Variants in MPP2 observed in about 807,000 individuals in gnomAD.
The protein encoded by MPP2 is MAGUK p55 scaffold protein 2, also known as MAGUK p55 subfamily member 2.
A neutral mutation model predicts 58.5 loss-of-function variants in MPP2; 42 were observed. The observed-to-expected ratio is 0.72, with a 90% CI of 0.56 to 0.93. The LOEUF is 0.93. MPP2 is among the 40% of genes least tolerant of loss of function. MPP2 has a pLI of 0.00. For missense variants in MPP2, 632 were observed against 760.4 expected (o/e 0.83, Z 1.99); for synonymous variants, 300 against 307.8 (o/e 0.97, Z 0.26).
At chr17:43,906,459 T>G (rs913754771) in intron 1 of MPP2, among the ~76,000 whole-genome samples, 1 of 152,148 alleles carries the variant, frequency 6.6e-6, no homozygotes, top group Non-Finnish European at 1.5e-5. Flanking sequence ...CTCCGAGATA[T>G]CCACATCACC....
chr17:43,883,098 G>A (rs1597766660), intron 4 of MPP2, 46 bp from the exon 5 acceptor site: 3 of 1,576,158 alleles, frequency 1.9e-6, no homozygotes, highest in East Asian at 2.3e-5. Context: ...AGTGTCCCGG[G>A]TCTCTTCCCA....
In MPP2 at chr17:43,882,524, G is replaced by C. The variant is rs778032275; in HGVS notation, c.454-13C>G. 13 of 1,600,606 alleles carry C rather than the reference G, an allele frequency of 8.1e-6. No individual in the cohort carries two copies. In the South Asian group the frequency reaches 1.4e-4, roughly 18 times the overall value. On this transcript the variant is annotated splice_polypyrimidine_tract_variant and intron_variant, in intron 5 of 12. Transcript: ENST00000269095. The stretch of plus-strand genomic sequence containing the variant: ...GGAACGTTACACCCTGGAGGTCAGA[G>C]GGAGTGTAAGATGAGGCCCCAATTG...
chr17:43,879,289 T>G lies in MPP2; in HGVS notation c.1468A>C (p.Thr490Pro), dbSNP rs776076523. ...AGAGCCCTCACCGTGAGCTGCTTGGTGGATATTCCACTCTCCAGCGCAGCC... is the reference window on the plus strand; with the variant it reads ...AGAGCCCTCACCGTGAGCTGCTTGGGGGATATTCCACTCTCCAGCGCAGCC... ...NRAALESGIS[T>P]KQLTEADLRR... The change falls in exon 12 of 13, where the codon ACC (threonine) becomes CCC (proline). Residue 490 changes from threonine (T) to proline (P), a missense_variant. Physicochemically the swap from Thr to Pro is conservative, Grantham distance 38. Coordinates refer to ENST00000269095, the MANE Select transcript of MPP2 (RefSeq NM_005374.5). The surrounding 1 kb of genome is among the most constrained non-coding windows in gnomAD (Gnocchi z 4.1). 1.9e-6 allele frequency: 3 copies of G among 1,612,068 alleles called. No homozygotes were observed. In the East Asian group the frequency reaches 6.7e-5, roughly 36 times the overall value.
chr17:43,891,622 A>C (rs1283227140), intron 3 of MPP2, among the ~76,000 whole-genome samples: 1 of 151,608 alleles, frequency 6.6e-6, no homozygotes, highest in Non-Finnish European at 1.5e-5. Context: ...TGGGCTGGGC[A>C]TGGTGGCTCA....
At chr17:43,891,514 CA>C (rs779016006) in intron 3 of MPP2, among the ~76,000 whole-genome samples, 46 of 133,042 alleles carry the variant, frequency 3.5e-4, no homozygotes, top group South Asian at 5.1e-4. Context: ...GACTCCGTCT[CA>C]AAAAAAAAAA....
rs1343198109 is a variant in MPP2 at position 43,883,227 on chromosome 17, G to A, written c.279C>T (p.His93=). The A allele has an allele frequency of 6.2e-7, 1 of 1,608,476 alleles. No homozygotes were observed. The highest frequency in any genetic ancestry group is 8.5e-7 in the Non-Finnish European group (1 of 1,177,454). The part of the protein sequence containing the change: ...EQSSTAAELA[H]ILQEPHFQSL... ...CCTGGAAGTGGGGCTCCTGGAGGAT[G>A]TGGGCCAGCTCGGCGGCTGTGCTGC... The change falls in exon 4 of 13, where the codon CAC becomes CAT. Residue 93 remains histidine (H), a synonymous_variant. Transcript: ENST00000269095.
rs1184297198 is a variant in MPP2, at chr17:43,878,087, C to A, written c.1483-104G>T. The stretch of plus-strand genomic sequence containing the variant: ...CCACTCCCCCTCCCCAAAGCCCAAC[C>A]CTGGTGTGGACTCCCTGGCTAGGGA... On this transcript the variant is annotated intron_variant, in intron 12 of 12. Transcript: ENST00000269095. The A allele has an allele frequency of 3.9e-6, 5 of 1,291,236 alleles. No homozygotes were observed. In the Admixed American group the frequency reaches 9.4e-5, roughly 24 times the overall value. The allele number at this position is 1,291,236 out of a possible 1,614,324, so 80.0% of individuals were successfully genotyped here.
chr17:43,878,922 T>C (rs926723284), intron 12 of MPP2, among the ~76,000 whole-genome samples: 12 of 152,158 alleles, frequency 7.9e-5, no homozygotes, highest in Non-Finnish European at 1.0e-4. Context: ...CCCCCAGCTG[T>C]AAGCAACCCA....
Position 43,879,059 on chromosome 17 carries a change from C to A in MPP2, c.1482+216G>T, listed in dbSNP as rs553232332. ...GAGTCAGAAGCACATGTATCCCAGGCTAGGTGTGTGCCTGGCTCACTCTGA... is the reference window on the plus strand; with the variant it reads ...GAGTCAGAAGCACATGTATCCCAGGATAGGTGTGTGCCTGGCTCACTCTGA... On this transcript the variant is annotated intron_variant, in intron 12 of 12. Transcript: ENST00000269095. The surrounding 1 kb of genome is among the most constrained non-coding windows in gnomAD (Gnocchi z 4.1). 8.5e-5 allele frequency among the ~76,000 whole-genome samples: 13 copies of A among 152,296 alleles called. No homozygotes were observed. Among genetic ancestry groups the A allele is most frequent in the African/African-American group, 2.9e-4 (12 of 41,574 alleles).
intron 3 of MPP2, among the ~76,000 whole-genome samples, chr17:43,894,770 C>CA (rs2047773550): frequency 6.6e-6 from 1 of 151,294 alleles, no homozygotes; most frequent in African/African-American, 2.4e-5. Context: ...CCTGCCTCTA[C>CA]AAAAAAATTT....
intron 2 of MPP2, among the ~76,000 whole-genome samples, chr17:43,902,358 C>A (rs2048127507): frequency 6.6e-6 from 1 of 152,188 alleles, no homozygotes; most frequent in Non-Finnish European, 1.5e-5. Flanking sequence ...TCCTCCTACG[C>A]CCCAGTCAGG....
chr17:43,891,145 C>T (rs1003909836), intron 3 of MPP2, among the ~76,000 whole-genome samples: 1 of 152,166 alleles, frequency 6.6e-6, no homozygotes, highest in African/African-American at 2.4e-5. Flanking sequence ...CCAGGTCTTC[C>T]ACCCTAGCCT....
chr17:43,877,886 C>T lies in MPP2; in HGVS notation c.1580G>A (p.Arg527Lys). Reference protein sequence around the residue: ...DLCLVNSNLERTFRELQTAME... With the variant: ...DLCLVNSNLEKTFRELQTAME... ...GGCTGTCTGGAGCTCGCGGAAGGTC[C>T]TCTCCAGGTTGCTATTGACCAGGCA... is the stretch of plus-strand genomic sequence containing the variant. The change falls in exon 13 of 13, where the codon AGG becomes AAG. Residue 527 changes from arginine (R) to lysine (K), a missense_variant. By Grantham distance (26) the Arg-to-Lys change is conservative (BLOSUM62 2). Coordinates refer to ENST00000269095, the MANE Select transcript of MPP2 (RefSeq NM_005374.5). The T allele has an allele frequency of 1.9e-6, 3 of 1,614,088 alleles. No homozygotes were observed. The highest frequency in any genetic ancestry group is 1.7e-5 in the Admixed American group (1 of 60,022).
At chr17:43,885,822 C>T (rs920027843) in intron 3 of MPP2, among the ~76,000 whole-genome samples, 1 of 152,092 alleles carries the variant, frequency 6.6e-6, no homozygotes, top group Non-Finnish European at 1.5e-5. Flanking sequence ...CAGAAATCAC[C>T]ACTAAAGGCC....
chr17:43,904,350 G>A (rs1341004587), intron 2 of MPP2, 80 bp downstream of exon 2: 7 of 1,383,238 alleles, frequency 5.1e-6, no homozygotes, highest in Non-Finnish European at 7.2e-6. Context: ...ATCTGGAGCT[G>A]TGCAAGTGCC....
intron 1 of MPP2, chr17:43,907,252 G>A (rs1042649721): frequency 1.0e-5 from 10 of 985,424 alleles, no homozygotes; most frequent in Non-Finnish European, 1.2e-5. Context: ...TACCGCAGGG[G>A]CGGGGACCAG....
At chr17:43,888,858 C>T (rs1567889281) in intron 3 of MPP2, among the ~76,000 whole-genome samples, 3 of 152,184 alleles carry the variant, frequency 2.0e-5, no homozygotes, top group African/African-American at 7.2e-5. Flanking sequence ...AGCTCAACCT[C>T]ATAGCCCAGA....
At position 43,879,608 on chromosome 17, in the gene MPP2, T is replaced by G. The variant is rs2047008608; in HGVS notation, c.1353+174A>C. ...TGACTGGAGGAGACTAGAGGAGGAG[T>G]GGGGACTCTGGAAGGCTGAGAAAGG... On this transcript the variant is annotated intron_variant, in intron 11 of 12. Transcript: ENST00000269095. The surrounding 1 kb of genome is among the most constrained non-coding windows in gnomAD (Gnocchi z 4.1). 1.3e-5 allele frequency among the ~76,000 whole-genome samples: 2 copies of G among 150,540 alleles called. No individual in the cohort carries two copies. The highest frequency in any genetic ancestry group is 1.5e-5 in the Non-Finnish European group (1 of 67,618).
At chr17:43,909,206 A>G (rs1327684123), upstream of MPP2, among the ~76,000 whole-genome samples, 9 of 151,994 alleles carry the variant, frequency 5.9e-5, no homozygotes, top group Non-Finnish European at 1.3e-4. Flanking sequence ...AGCTGGGATT[A>G]CAGGTATGCG....
Sources: allele counts gnomAD v4.1 joint callset (sites outside exome capture counted in the v4.1 genomes callset), GRCh38; gene constraint gnomAD v4.1.1; non-coding constraint Gnocchi (gnomAD v3.1); transcripts MANE v1.5; gene names NCBI Gene and HGNC (gene_info 2026-07-23, HGNC 2026-07-21).